CAMK2D: variants seen among roughly 807,000 people sequenced by gnomAD.
The protein encoded by CAMK2D is calcium/calmodulin-dependent protein kinase type II subunit delta.
A neutral mutation model predicts 84.0 loss-of-function variants in CAMK2D; 37 were observed. The ratio of observed to expected loss-of-function variants is 0.44; its 90% CI spans 0.34 to 0.58. The LOEUF is 0.58. Among genes scored for constraint, CAMK2D ranks in the 20% least tolerant of loss-of-function variants. The probability of loss-of-function intolerance (pLI) is 0.02; values close to 1 mark genes in which losing one functional copy is unlikely to be tolerated. For missense variants in CAMK2D, 448 were observed against 652.5 expected (o/e 0.69, Z 3.41); for synonymous variants, 202 against 212.5 (o/e 0.95, Z 0.43).
At chr4:113,505,578 T>C (rs372475753) in intron 13 of CAMK2D, among the ~76,000 whole-genome samples, 1 of 152,060 alleles carries the variant, frequency 6.6e-6, no homozygotes, top group East Asian at 1.9e-4. Flanking sequence ...ATGACAAGTG[T>C]AGATCTCCTC....
intron 6 of CAMK2D, among the ~76,000 whole-genome samples, chr4:113,542,637 C>T (rs2098538147): frequency 6.6e-6 from 1 of 151,930 alleles, no homozygotes; most frequent in South Asian, 2.1e-4. Flanking sequence ...ATGGCATGAA[C>T]CAGGGAGGCG....
chr4:113,698,667 C>G (rs988215582), intron 2 of CAMK2D, among the ~76,000 whole-genome samples: 2 of 152,242 alleles, frequency 1.3e-5, no homozygotes, highest in Admixed American at 6.6e-5. Flanking sequence ...TTCTCCACCC[C>G]TGGCTCCTTT....
chr4:113,496,091 A>G (rs1296593589), intron 16 of CAMK2D, among the ~76,000 whole-genome samples: 1 of 152,210 alleles, frequency 6.6e-6, no homozygotes, highest in Non-Finnish European at 1.5e-5. Context: ...CTACAGCCAC[A>G]AACCAAAGGA....
chr4:113,606,404 C>T (rs183401211), intron 4 of CAMK2D, among the ~76,000 whole-genome samples: 1,595 of 150,934 alleles, frequency 0.011, 8 homozygotes, highest in Non-Finnish European at 0.015. Flanking sequence ...CAGGAGGCGG[C>T]GGTTGCAGTG....
intron 2 of CAMK2D, among the ~76,000 whole-genome samples, chr4:113,681,040 A>C (rs2099344240): frequency 6.6e-6 from 1 of 152,196 alleles, no homozygotes; most frequent in Admixed American, 6.5e-5. Context: ...AAGTGCTGGA[A>C]GACCCAGGTA....
intron 4 of CAMK2D, among the ~76,000 whole-genome samples, chr4:113,564,747 T>C (rs185971966): frequency 1.5e-4 from 23 of 152,312 alleles, no homozygotes; most frequent in African/African-American, 5.3e-4. Flanking sequence ...TATTTTTTAT[T>C]ATTAACATTT....
intron 4 of CAMK2D, among the ~76,000 whole-genome samples, chr4:113,568,395 ATG>A (rs1358334299): frequency 1.3e-5 from 2 of 152,190 alleles, no homozygotes; most frequent in African/African-American, 2.4e-5. Context: ...ATGTTGTGGC[ATG>A]TGTCAGAATT....
intron 4 of CAMK2D, among the ~76,000 whole-genome samples, chr4:113,553,238 C>T (rs1177631990): frequency 1.3e-5 from 2 of 152,122 alleles, no homozygotes; most frequent in Non-Finnish European, 2.9e-5. Flanking sequence ...CAAGATCACA[C>T]AGCGTTTAGT....
chr4:113,581,900 G>T (rs979121743), intron 4 of CAMK2D, among the ~76,000 whole-genome samples: 9 of 152,132 alleles, frequency 5.9e-5, no homozygotes, highest in Admixed American at 5.9e-4. Context: ...AGTTCAGCTA[G>T]GCCTCTGGGA....
chr4:113,520,780 C>A (rs2098346145), intron 8 of CAMK2D, among the ~76,000 whole-genome samples: 1 of 152,132 alleles, frequency 6.6e-6, no homozygotes, highest in East Asian at 1.9e-4. Context: ...ATAATCCCAG[C>A]ACTTTGGGAG....
intron 4 of CAMK2D, among the ~76,000 whole-genome samples, chr4:113,584,228 G>A (rs1003626243): frequency 6.6e-6 from 1 of 152,194 alleles, no homozygotes; most frequent in Non-Finnish European, 1.5e-5. Context: ...AACCTATGGG[G>A]AGTAGAATGT....
In CAMK2D at chr4:113,509,652, G is replaced by C. The variant is rs1349725547; in HGVS notation, c.970C>G (p.Pro324Ala). Residue 324 changes from proline to alanine, a missense_variant, in exon 13 of 21, where the codon CCA becomes GCA. Coordinates refer to ENST00000511664, the MANE Select transcript of CAMK2D (RefSeq NM_001321571.2). ...GTTTAACTTACCTTTACTCCATCTG[G>C]TTTCTTCAACAAACTCTTGGCTGCT... ...FSAAKSLLKK[P>A]DGVKINNKAN... The C allele has an allele frequency of 1.2e-6, 2 of 1,608,658 alleles. No homozygotes were observed. The highest frequency in any genetic ancestry group is 1.7e-6 in the Non-Finnish European group (2 of 1,175,112).
intron 3 of CAMK2D, among the ~76,000 whole-genome samples, chr4:113,656,062 C>T (rs188300404): frequency 3.3e-5 from 5 of 152,210 alleles, no homozygotes; most frequent in African/African-American, 1.2e-4. Flanking sequence ...CTCAGAATTT[C>T]TGGCTTACAA....
At chr4:113,647,927 A>G (rs6847611) in intron 3 of CAMK2D, among the ~76,000 whole-genome samples, 45,595 of 152,122 alleles carry the variant, frequency 0.3, 8,441 homozygotes, top group African/African-American at 0.53. Flanking sequence ...GAGTTCTCTT[A>G]GAGAGTTCCT....
At chr4:113,699,019 G>A (rs769075252) in intron 2 of CAMK2D, among the ~76,000 whole-genome samples, 1 of 151,990 alleles carries the variant, frequency 6.6e-6, no homozygotes, top group Non-Finnish European at 1.5e-5. Context: ...ATTTCCATTG[G>A]ATAGATATTG....
At chr4:113,703,210 AGGGT>A (rs2099428453) in intron 2 of CAMK2D, among the ~76,000 whole-genome samples, 1 of 152,210 alleles carries the variant, frequency 6.6e-6, no homozygotes, top group Non-Finnish European at 1.5e-5. Context: ...CAAGTAGTCG[AGGGT>A]TCAGTGAGTG....
chr4:113,483,780 C>T (rs1376641894), intron 16 of CAMK2D, among the ~76,000 whole-genome samples: 1 of 151,680 alleles, frequency 6.6e-6, no homozygotes, highest in Non-Finnish European at 1.5e-5. Context: ...AGAGAGAGAC[C>T]CTGTCTCTAA....
chr4:113,717,181 T>A (rs1271423899), intron 2 of CAMK2D, among the ~76,000 whole-genome samples: 1 of 152,132 alleles, frequency 6.6e-6, no homozygotes, highest in Admixed American at 6.5e-5. Flanking sequence ...AAGGCAGATG[T>A]CTCAAAGAGC....
At position 113,500,361 on chromosome 4, in the gene CAMK2D, T is replaced by G. The variant is rs570827179; in HGVS notation, c.1135+102A>C. The G allele has an allele frequency of 3.5e-5, 20 of 565,026 alleles. No individual in the cohort carries two copies. The Admixed American group carries it at 4.9e-4, about 14-fold the overall frequency. 35.0% of individuals were successfully genotyped at this position (565,026 alleles called of 1,614,324 possible). A position where few individuals can be genotyped will look rare whatever the true frequency, so the allele number is the denominator to read the frequency against. ...AATAAAATATTTTTGTGCTTTAGGA[T>G]AGGCCTACTTCCTAAACTTATTAGT... On this transcript the variant is annotated intron_variant, in intron 16 of 20. Coordinates refer to ENST00000511664, the MANE Select transcript of CAMK2D (RefSeq NM_001321571.2).
Sources: allele counts gnomAD v4.1 joint callset (sites outside exome capture counted in the v4.1 genomes callset), GRCh38; gene constraint gnomAD v4.1.1; transcripts MANE v1.5; gene names NCBI Gene and HGNC (gene_info 2026-07-23, HGNC 2026-07-21).